MYO1D: variants seen among roughly 807,000 people sequenced by gnomAD.
The protein encoded by MYO1D is myosin ID, also known as unconventional myosin-Id.
MYO1D carries 83 observed loss-of-function variants against 122.0 expected under a neutral mutation model. The observed-to-expected ratio is 0.68, with a 90% confidence interval of 0.57 to 0.82. MYO1D has a LOEUF of 0.82. MYO1D is among the 40% of genes least tolerant of loss of function. The pLI, the probability that MYO1D is intolerant of heterozygous loss-of-function variation, is 0.00. For synonymous variants in MYO1D, 464 were observed against 446.9 expected (o/e 1.04, Z -0.48); for missense variants, 1,157 against 1,269.5 (o/e 0.91, Z 1.35).
intron 1 of MYO1D, among the ~76,000 whole-genome samples, chr17:32,803,437 C>T (rs982420973): frequency 2.6e-5 from 4 of 152,086 alleles, no homozygotes; most frequent in Admixed American, 6.6e-5. Flanking sequence ...TAAGCCACCA[C>T]GCCGGGCCCA....
chr17:32,667,528 A>AACC (rs2088653201), intron 16 of MYO1D, among the ~76,000 whole-genome samples: 10 of 152,256 alleles, frequency 6.6e-5, no homozygotes, highest in Admixed American at 6.5e-4. Flanking sequence ...GACACAAAAG[A>AACC]ACCAAATCTT....
chr17:32,513,382 G>A (rs73274267), intron 21 of MYO1D, among the ~76,000 whole-genome samples: 2,666 of 152,290 alleles, frequency 0.018, 88 homozygotes, highest in East Asian at 0.1. Context: ...ATAAGAGGGA[G>A]ACTCTACCAT....
intron 7 of MYO1D, among the ~76,000 whole-genome samples, chr17:32,766,775 G>C (rs373743190): frequency 5.3e-5 from 8 of 150,744 alleles, no homozygotes; most frequent in African/African-American, 2.0e-4. Flanking sequence ...CTGGGTGACA[G>C]AGCGAGATTC....
intron 21 of MYO1D, among the ~76,000 whole-genome samples, chr17:32,548,859 G>T (rs1345740166): frequency 6.6e-6 from 1 of 151,564 alleles, no homozygotes; most frequent in South Asian, 2.1e-4. Flanking sequence ...GATTACAGGT[G>T]TGCACCACCG....
chr17:32,564,933 C>A (rs547675435), intron 21 of MYO1D, among the ~76,000 whole-genome samples: 1 of 152,228 alleles, frequency 6.6e-6, no homozygotes, highest in Non-Finnish European at 1.5e-5. Context: ...CAGTCCATCA[C>A]CCTTGATGAT....
At chr17:32,755,155 G>A (rs1316014689) in intron 11 of MYO1D, among the ~76,000 whole-genome samples, 3 of 152,166 alleles carry the variant, frequency 2.0e-5, no homozygotes, top group African/African-American at 2.4e-5. Context: ...TCAGATGCAG[G>A]AGTAAAATTC....
chr17:32,778,332 AG>A, intron 3 of MYO1D, 147 bp downstream of exon 3: 1 of 593,836 alleles, frequency 1.7e-6, no homozygotes, highest in Non-Finnish European at 3.0e-6. Context: ...TATGCACTTA[AG>A]AGAATCAAAG....
chr17:32,643,200 G>T (rs796676204), intron 19 of MYO1D, among the ~76,000 whole-genome samples: 65 of 148,206 alleles, frequency 4.4e-4, no homozygotes, highest in African/African-American at 1.6e-3. Context: ...TTTATCTTTG[G>T]TTCTGTTTAT....
intron 21 of MYO1D, among the ~76,000 whole-genome samples, chr17:32,551,355 A>G (rs952823134): frequency 2.6e-5 from 4 of 152,234 alleles, no homozygotes; most frequent in Admixed American, 2.6e-4. Flanking sequence ...TGAGTCACTT[A>G]CAAAAGACCA....
intron 16 of MYO1D, among the ~76,000 whole-genome samples, chr17:32,678,559 T>G (rs2088859733): frequency 6.6e-6 from 1 of 151,444 alleles, no homozygotes; most frequent in South Asian, 2.1e-4. Context: ...ATTTCCAATT[T>G]CATCCATGTC....
At chr17:32,507,683 C>T (rs1909546514) in intron 21 of MYO1D, among the ~76,000 whole-genome samples, 1 of 152,154 alleles carries the variant, frequency 6.6e-6, no homozygotes, top group South Asian at 2.1e-4. Flanking sequence ...TATGGAAGAC[C>T]TAGCCTTCAA....
chr17:32,793,181 T>C (rs2090374055), intron 1 of MYO1D, among the ~76,000 whole-genome samples: 1 of 151,810 alleles, frequency 6.6e-6, no homozygotes, highest in Non-Finnish European at 1.5e-5. Flanking sequence ...GCTCTTGACA[T>C]AGTACTTGGC....
intron 21 of MYO1D, among the ~76,000 whole-genome samples, chr17:32,574,002 G>A (rs952579874): frequency 3.9e-5 from 6 of 152,160 alleles, no homozygotes; most frequent in South Asian, 2.1e-4. Context: ...ACAGGCGCCC[G>A]CCACCTCGCC....
At chr17:32,500,665 G>A (rs922111413) in intron 21 of MYO1D, among the ~76,000 whole-genome samples, 5 of 150,990 alleles carry the variant, frequency 3.3e-5, no homozygotes, top group Admixed American at 1.3e-4. Context: ...GCACTGCCCA[G>A]CTGACGCCAT....
At chr17:32,865,077 C>T (rs778235690) in intron 1 of MYO1D, among the ~76,000 whole-genome samples, 3 of 152,144 alleles carry the variant, frequency 2.0e-5, no homozygotes, top group Non-Finnish European at 4.4e-5. Context: ...CAAGGACTAT[C>T]CTTATAATAA....
At chr17:32,552,572 A>G (rs905675883) in intron 21 of MYO1D, among the ~76,000 whole-genome samples, 2 of 151,378 alleles carry the variant, frequency 1.3e-5, no homozygotes. Flanking sequence ...TTCATCTCCC[A>G]CCTTCCTCCT....
At chr17:32,592,557 CA>C (rs2087448023) in intron 21 of MYO1D, among the ~76,000 whole-genome samples, 1 of 152,018 alleles carries the variant, frequency 6.6e-6, no homozygotes, top group Non-Finnish European at 1.5e-5. Flanking sequence ...TTTTAACAAG[CA>C]AAAAATATAA....
At chr17:32,543,798 T>C (rs1238411438) in intron 21 of MYO1D, among the ~76,000 whole-genome samples, 1 of 151,766 alleles carries the variant, frequency 6.6e-6, no homozygotes, top group Non-Finnish European at 1.5e-5. Flanking sequence ...ACTTAAATCT[T>C]GCTTTTTTTT....
At chr17:32,693,859 A>G (rs1159479681) in intron 16 of MYO1D, among the ~76,000 whole-genome samples, 3 of 152,218 alleles carry the variant, frequency 2.0e-5, no homozygotes, top group Non-Finnish European at 4.4e-5. Context: ...AGTAGGTGGG[A>G]AGAGAAAAAA....
Sources: gnomAD v4.1 joint callset for allele counts (sites outside exome capture counted in the v4.1 genomes callset) on GRCh38, gnomAD v4.1.1 for gene constraint, MANE v1.5 for transcripts, NCBI Gene and HGNC (gene_info 2026-07-23, HGNC 2026-07-21) for gene names.